The following PRKCG variants were observed in gnomAD, a reference collection of about 807,000 sequenced individuals.
PRKCG encodes the protein protein kinase C gamma, also known as protein kinase C gamma type.
A neutral mutation model predicts 82.0 loss-of-function variants in PRKCG; 28 were observed. That is an observed-to-expected ratio of 0.34 (90% CI 0.25 to 0.47). The LOEUF is 0.47. Ranked by LOEUF, PRKCG falls within the 20% of genes least tolerant of loss-of-function variation. The pLI is 1.00. For missense variants in PRKCG, 640 were observed against 952.7 expected, an observed-to-expected ratio of 0.67 and a Z score of 4.32; for synonymous variants, 383 against 376.6, an observed-to-expected ratio of 1.02 and a Z score of -0.20.
intron 9 of PRKCG, among the ~76,000 whole-genome samples, chr19:53,894,308 A>G (rs935932557): frequency 2.2e-5 from 3 of 136,454 alleles, no homozygotes; most frequent in Admixed American, 7.3e-5. Context: ...CTGGTGATCC[A>G]CCCGCCTCAG....
rs1568755355 is a variant in PRKCG, at chr19:53,892,788, A to ACG, written c.821+146_821+147insGC. On this transcript the variant is annotated intron_variant, in intron 7 of 17. Transcript: ENST00000263431. This position sits in a 1 kb window ranked among gnomAD's most constrained non-coding sequence, Gnocchi z 5.9. ...CACACACACACACACACACGCACAC[A>ACG]CACGCACACACCCCTCTCTCTCTAT... The ACG allele has an allele frequency of 2.4e-5, 17 of 697,448 alleles. No homozygotes were observed. Among genetic ancestry groups the ACG allele is most frequent in the South Asian group, 1.2e-4 (4 of 33,732 alleles). The allele number at this position is 697,448 out of a possible 1,614,324, so 43.2% of individuals were successfully genotyped here. A position where few individuals can be genotyped will look rare whatever the true frequency, so the allele number is the denominator to read the frequency against.
Position 53,906,689 on chromosome 19 carries a change from C to T in PRKCG, c.1906-18C>T. On this transcript the variant is annotated intron_variant, in intron 17 of 17. Coordinates refer to ENST00000263431, the MANE Select transcript of PRKCG (RefSeq NM_002739.5). ...CCCTCGGAGCTGCTTAACTTTCCCT[C>T]CCCCACGTCTCCCACAGTGTGGCCG... 8.1e-6 allele frequency: 13 copies of T among 1,611,796 alleles called. No homozygotes were observed. The highest frequency in any genetic ancestry group is 1.0e-5 in the Non-Finnish European group (12 of 1,179,678).
chr19:53,906,524 T>C (rs2068812861), intron 17 of PRKCG, 67 bp downstream of exon 17: 2 of 1,570,222 alleles, frequency 1.3e-6, no homozygotes. Flanking sequence ...GGCCTCAATA[T>C]ACCTGTATGT....
rs1172639116 is a variant in PRKCG, at chr19:53,904,663, A to G, written c.1685A>G (p.Glu562Gly). Residue 562 changes from glutamate (E) to glycine (G), a missense_variant, in exon 16 of 18, where the codon GAG becomes GGG. Physicochemically the swap from Glu to Gly is moderately conservative, Grantham distance 98. This residue lies in a region of PRKCG where 198 missense variants were observed against 273.4 expected (regional missense o/e 0.72). Coordinates refer to ENST00000263431, the MANE Select transcript of PRKCG (RefSeq NM_002739.5). ...CCCTTCGATGGGGAGGACGAGGAGG[A>G]GCTGTTTCAGGCCATCATGGAACAA... ...QPPFDGEDEE[E>G]LFQAIMEQTV... 1.2e-6 allele frequency: 2 copies of G among 1,613,158 alleles called. No homozygotes were observed. Among genetic ancestry groups the G allele is most frequent in the South Asian group, 1.1e-5 (1 of 90,998 alleles).
rs1052236184 is a variant in PRKCG at position 53,889,214 on chromosome 19, A to G, written c.286-424A>G. Reference sequence around the variant, plus strand: ...GGCAATCCGCCCACCTCGGCCTCCCAAAGTGCTGGGATTACAGGCATGAGC... The same window carrying G: ...GGCAATCCGCCCACCTCGGCCTCCCGAAGTGCTGGGATTACAGGCATGAGC... On this transcript the variant is annotated intron_variant, in intron 3 of 17. Transcript: ENST00000263431. This position sits in a 1 kb window ranked among gnomAD's most constrained non-coding sequence, Gnocchi z 4.4. Among the ~76,000 whole-genome samples, 3 of 152,074 alleles carry G rather than the reference A, an allele frequency of 2.0e-5. No homozygotes were observed. The highest frequency in any genetic ancestry group is 7.2e-5 in the African/African-American group (3 of 41,402).
intron 9 of PRKCG, among the ~76,000 whole-genome samples, chr19:53,896,680 A>C (rs2123006142): frequency 6.6e-6 from 1 of 152,254 alleles, no homozygotes; most frequent in African/African-American, 2.4e-5. Context: ...TCGGCCTCCC[A>C]AAGTGCTGGG....
At chr19:53,887,757 G>A (rs2122984305) in intron 3 of PRKCG, among the ~76,000 whole-genome samples, 1 of 149,330 alleles carries the variant, frequency 6.7e-6, no homozygotes, top group East Asian at 2.0e-4. Flanking sequence ...TTGAACCCCG[G>A]AGGCAGAGGT....
rs1232272033 is a variant in PRKCG, at chr19:53,900,516, A to G, written c.1436+35A>G. On this transcript the variant is annotated intron_variant, in intron 13 of 17. Coordinates refer to ENST00000263431, the MANE Select transcript of PRKCG (RefSeq NM_002739.5). This position sits in a 1 kb window ranked among gnomAD's most constrained non-coding sequence, Gnocchi z 4.2. ...CCCAGGAATTTCCGTGGAGGAAATCACGCCCCTGGAAGGGAAGGGATTTGA... is the reference window on the plus strand; with the variant it reads ...CCCAGGAATTTCCGTGGAGGAAATCGCGCCCCTGGAAGGGAAGGGATTTGA... The G allele has an allele frequency of 1.2e-6, 2 of 1,614,094 alleles. No homozygotes were observed. Among genetic ancestry groups the G allele is most frequent in the East Asian group, 4.5e-5 (2 of 44,874 alleles).
Position 53,892,677 on chromosome 19 carries a change from G to C in PRKCG, c.821+34G>C. The C allele has an allele frequency of 6.2e-7, 1 of 1,600,090 alleles. No homozygotes were observed. The highest frequency in any genetic ancestry group is 1.1e-5 in the South Asian group (1 of 90,568). ...CAGGGCTGGGGCCTGGGGATGGAGCGCAATATTACCATCTCCATCTGTGTG... is the reference window on the plus strand; with the variant it reads ...CAGGGCTGGGGCCTGGGGATGGAGCCCAATATTACCATCTCCATCTGTGTG... On this transcript the variant is annotated intron_variant, in intron 7 of 17. Transcript: ENST00000263431. This position sits in a 1 kb window ranked among gnomAD's most constrained non-coding sequence, Gnocchi z 5.9.
intron 3 of PRKCG, among the ~76,000 whole-genome samples, chr19:53,885,302 C>A (rs1178939179): frequency 6.6e-6 from 1 of 152,150 alleles, no homozygotes; most frequent in African/African-American, 2.4e-5. Context: ...AGTCTCAGCT[C>A]AATGCAACTT....
At chr19:53,902,934 T>C in intron 14 of PRKCG, 139 bp from the exon 15 acceptor site, 1 of 428,312 alleles carries the variant, frequency 2.3e-6, no homozygotes, top group South Asian at 2.1e-5. Flanking sequence ...AAAAATCACC[T>C]GATGAAATAA....
In PRKCG at chr19:53,900,498, A is replaced by G. The variant is rs2068755390; in HGVS notation, c.1436+17A>G. The G allele has an allele frequency of 6.2e-7, 1 of 1,614,014 alleles. No homozygotes were observed. The highest frequency in any genetic ancestry group is 1.3e-5 in the African/African-American group (1 of 74,914). On this transcript the variant is annotated intron_variant, in intron 13 of 17. Transcript: ENST00000263431. The surrounding 1 kb of genome is among the most constrained non-coding windows in gnomAD (Gnocchi z 4.2). The stretch of plus-strand genomic sequence containing the variant: ...CATCTACAGGTGAGCAGCCCCAGGA[A>G]TTTCCGTGGAGGAAATCACGCCCCT...
chr19:53,901,862 A>AG (rs959765888), intron 14 of PRKCG, among the ~76,000 whole-genome samples: 2 of 151,540 alleles, frequency 1.3e-5, no homozygotes, highest in African/African-American at 4.9e-5. Flanking sequence ...AAAAAAAAAA[A>AG]AAAAGAAAAA....
rs891954158 is a variant in PRKCG, at chr19:53,884,087, A to C, written c.203-74A>C. The stretch of plus-strand genomic sequence containing the variant: ...GTCCGAGTTCCGCTCTCTCTTTCCA[A>C]TTTTCTGTCTGCTGGGGTCTCCCGC... On this transcript the variant is annotated intron_variant, in intron 2 of 17. Transcript: ENST00000263431. The surrounding 1 kb of genome is among the most constrained non-coding windows in gnomAD (Gnocchi z 4.6). 1 of 1,466,220 alleles carries C rather than the reference A, an allele frequency of 6.8e-7. No homozygotes were observed. The allele number at this position is 1,466,220 out of a possible 1,614,324, so 90.8% of individuals were successfully genotyped here.
At position 53,892,362 on chromosome 19, in the gene PRKCG, G is replaced by A. The variant is rs10420358; in HGVS notation, c.687-147G>A. 19 of 1,244,186 alleles carry A rather than the reference G, an allele frequency of 1.5e-5. No homozygotes were observed. The highest frequency in any genetic ancestry group is 2.7e-4 in the Middle Eastern group (1 of 3,720). The allele number at this position is 1,244,186 out of a possible 1,614,324, so 77.1% of individuals were successfully genotyped here. A position where few individuals can be genotyped will look rare whatever the true frequency, so the allele number is the denominator to read the frequency against. On this transcript the variant is annotated intron_variant, in intron 6 of 17. Coordinates refer to ENST00000263431, the MANE Select transcript of PRKCG (RefSeq NM_002739.5). This position sits in a 1 kb window ranked among gnomAD's most constrained non-coding sequence, Gnocchi z 5.9. Reference sequence around the variant, plus strand: ...AAAGCCCTAGCTGGAGAGAGAGCCCGGCTGGGAAGGTCAGAGGTCGGAGAC... The same window carrying A: ...AAAGCCCTAGCTGGAGAGAGAGCCCAGCTGGGAAGGTCAGAGGTCGGAGAC...
intron 5 of PRKCG, among the ~76,000 whole-genome samples, chr19:53,891,190 C>A (rs2068672589): frequency 6.6e-6 from 1 of 151,986 alleles, no homozygotes; most frequent in African/African-American, 2.4e-5. Flanking sequence ...ATTTCAGGGT[C>A]ACTGGTTGCG....
At position 53,907,258 on chromosome 19, in the gene PRKCG, A is replaced by T; in HGVS notation, c.*363A>T. The T allele has an allele frequency of 2.7e-6, 1 of 365,008 alleles. No individual in the cohort carries two copies. The highest frequency in any genetic ancestry group is 5.2e-6 in the Non-Finnish European group (1 of 193,138). 22.6% of individuals were successfully genotyped at this position (365,008 alleles called of 1,614,324 possible). A position where few individuals can be genotyped will look rare whatever the true frequency, so the allele number is the denominator to read the frequency against. On this transcript the variant is annotated 3_prime_UTR_variant, in exon 18 of 18. Coordinates refer to ENST00000263431, the MANE Select transcript of PRKCG (RefSeq NM_002739.5). ...CTCCCCCCAGACCCCGCCCCTGGGG[A>T]AATAGCCTCACGGGGTTGGCTGTTC...
In PRKCG at chr19:53,898,042, G is replaced by A. The variant is rs757306727; in HGVS notation, c.1023G>A (p.Ala341=). Reference sequence around the variant, plus strand: ...ACCCCAAGCGCTGCTTCTTCGGGGCGAGTCCAGGACGCCTGCACATCTCCG... The same window carrying A: ...ACCCCAAGCGCTGCTTCTTCGGGGCAAGTCCAGGACGCCTGCACATCTCCG... ...PTDPKRCFFG[A]SPGRLHISDF... Residue 341 remains alanine, a synonymous_variant, in exon 10 of 18, where the codon GCG becomes GCA. Transcript: ENST00000263431. 15 of 1,613,956 alleles carry A rather than the reference G, an allele frequency of 9.3e-6. No individual in the cohort carries two copies. Among genetic ancestry groups the A allele is most frequent in the Non-Finnish European group, 1.7e-6 (2 of 1,180,010 alleles).
chr19:53,889,621 G>A lies in PRKCG; in HGVS notation c.286-17G>A, dbSNP rs1568752827. 3 of 1,610,300 alleles carry A rather than the reference G, an allele frequency of 1.9e-6. No individual in the cohort carries two copies. Among genetic ancestry groups the A allele is most frequent in the Non-Finnish European group, 1.7e-6 (2 of 1,176,754 alleles). The stretch of plus-strand genomic sequence containing the variant: ...GACCCTCCCAACGCCCCCTAAGCCA[G>A]TCTTCTCTGCCCCCAGGACCCCCGG... On this transcript the variant is annotated splice_polypyrimidine_tract_variant and intron_variant, in intron 3 of 17. Coordinates refer to ENST00000263431, the MANE Select transcript of PRKCG (RefSeq NM_002739.5). The surrounding 1 kb of genome is among the most constrained non-coding windows in gnomAD (Gnocchi z 4.4).
Sources: allele counts gnomAD v4.1 joint callset (sites outside exome capture counted in the v4.1 genomes callset), GRCh38; gene constraint gnomAD v4.1.1; regional missense constraint gnomAD v4.1.1; non-coding constraint Gnocchi (gnomAD v3.1); transcripts MANE v1.5; gene names NCBI Gene and HGNC (gene_info 2026-07-23, HGNC 2026-07-21).